Variants in PTPRE observed in about 807,000 individuals in gnomAD.
The protein encoded by PTPRE is receptor-type tyrosine-protein phosphatase epsilon.
In PTPRE, 51 loss-of-function variants were observed where a neutral mutation model predicts 102.0. That is an observed-to-expected ratio of 0.50 (90% CI 0.40 to 0.63). PTPRE has a LOEUF of 0.63. PTPRE is among the 30% of genes least tolerant of loss of function. The pLI, the probability that PTPRE is intolerant of heterozygous loss-of-function variation, is 0.00. For synonymous variants in PTPRE, 345 were observed against 348.2 expected (o/e 0.99, Z 0.10); for missense variants, 752 against 915.1 (o/e 0.82, Z 2.30).
chr10:127,964,800 T>A (rs1476086666), intron 1 of PTPRE: 1 of 254,850 alleles, frequency 3.9e-6, no homozygotes, highest in Non-Finnish European at 7.9e-6. Flanking sequence ...TCTGCACCAG[T>A]GAATGCCATG....
intron 2 of PTPRE, among the ~76,000 whole-genome samples, chr10:128,033,233 T>G (rs1323944435): frequency 6.6e-6 from 1 of 152,194 alleles, no homozygotes; most frequent in Non-Finnish European, 1.5e-5. Flanking sequence ...TCTCAGCTAA[T>G]TTTGCTCATC....
intron 1 of PTPRE, among the ~76,000 whole-genome samples, chr10:127,938,071 G>T (rs1847961442): frequency 6.6e-6 from 1 of 152,214 alleles, no homozygotes; most frequent in Non-Finnish European, 1.5e-5. Flanking sequence ...AGGGTGTGAT[G>T]TGACTTAAAG....
intron 7 of PTPRE, 109 bp downstream of exon 7, chr10:128,056,322 A>G (rs764689719): frequency 3.6e-5 from 32 of 879,068 alleles, no homozygotes; most frequent in East Asian, 9.9e-5. Context: ...AGAGGCCCCA[A>G]ATCAGTCTAA....
At chr10:128,007,289 A>C (rs1193272940) in intron 2 of PTPRE, among the ~76,000 whole-genome samples, 1 of 152,198 alleles carries the variant, frequency 6.6e-6, no homozygotes, top group Non-Finnish European at 1.5e-5. Context: ...TCCTTGAACA[A>C]ATATTTATGA....
intron 1 of PTPRE, among the ~76,000 whole-genome samples, chr10:127,911,847 G>A (rs897248585): frequency 1.3e-5 from 2 of 152,116 alleles, no homozygotes; most frequent in Non-Finnish European, 2.9e-5. Context: ...GTTTATTTTG[G>A]AGGATTAACT....
At chr10:127,996,250 G>C (rs1853253305) in intron 2 of PTPRE, among the ~76,000 whole-genome samples, 1 of 152,192 alleles carries the variant, frequency 6.6e-6, no homozygotes, top group East Asian at 1.9e-4. Flanking sequence ...ACCAAAGGCA[G>C]TTTAAAGGGC....
intron 1 of PTPRE, among the ~76,000 whole-genome samples, chr10:127,938,296 G>A (rs1382011608): frequency 6.6e-6 from 1 of 152,332 alleles, no homozygotes; most frequent in East Asian, 1.9e-4. Flanking sequence ...CAATCAGGGA[G>A]CTCTCACTGA....
At chr10:127,909,643 A>G (rs964419328) in intron 1 of PTPRE, among the ~76,000 whole-genome samples, 17 of 152,152 alleles carry the variant, frequency 1.1e-4, no homozygotes, top group African/African-American at 3.6e-4. Flanking sequence ...ACCAGCCTCC[A>G]TGTTGCTTCT....
intron 19 of PTPRE, 105 bp downstream of exon 19, chr10:128,077,888 G>A: frequency 7.6e-7 from 1 of 1,323,970 alleles, no homozygotes; most frequent in Non-Finnish European, 1.0e-6. Flanking sequence ...CCTGGCCATG[G>A]TATTCCCTAG....
chr10:127,914,415 A>T (rs542034111), intron 1 of PTPRE, among the ~76,000 whole-genome samples: 15 of 152,284 alleles, frequency 9.9e-5, no homozygotes, highest in African/African-American at 3.6e-4. Flanking sequence ...ACACTATCAT[A>T]CTTCCCAGGA....
At chr10:127,911,801 T>C (rs1470235217) in intron 1 of PTPRE, among the ~76,000 whole-genome samples, 1 of 152,146 alleles carries the variant, frequency 6.6e-6, no homozygotes, top group East Asian at 1.9e-4. Context: ...TGTAGCGTGC[T>C]GCCAATTTTA....
chr10:128,048,434 C>A (rs561933916), intron 5 of PTPRE, among the ~76,000 whole-genome samples: 1 of 152,202 alleles, frequency 6.6e-6, no homozygotes. Flanking sequence ...CCAGTGACTA[C>A]AACTTCCTGG....
chr10:128,009,501 G>A (rs148306628), intron 2 of PTPRE, among the ~76,000 whole-genome samples: 127 of 152,326 alleles, frequency 8.3e-4, no homozygotes, highest in African/African-American at 2.9e-3. Context: ...GGCCCCCTGT[G>A]TGCCAGCCAG....
At chr10:128,056,310 T>C in intron 7 of PTPRE, 97 bp downstream of exon 7, 1 of 999,412 alleles carries the variant, frequency 1.0e-6, no homozygotes, top group Non-Finnish European at 1.6e-6. Flanking sequence ...TTCCTGGTGC[T>C]CAGAGGCCCC....
chr10:127,946,792 G>A (rs182500407), intron 1 of PTPRE, among the ~76,000 whole-genome samples: 1 of 152,338 alleles, frequency 6.6e-6, no homozygotes, highest in African/African-American at 2.4e-5. Context: ...CCAGCACTCT[G>A]AGAGGCTGAG....
intron 4 of PTPRE, 38 bp from the exon 5 acceptor site, chr10:128,047,726 T>A (rs1263818550): frequency 6.2e-7 from 1 of 1,613,424 alleles, no homozygotes; most frequent in African/African-American, 1.3e-5. Flanking sequence ...TCGGGGAACC[T>A]AGAAGTGTGG....
rs527270326 is a variant in PTPRE, at chr10:128,085,001, C to T, written c.*2095C>T. ...GAAAGGGCCCTGCTCATGTTTTTTT[C>T]CTGTCCCCTTAGACCAACCCCAGGT... is the stretch of plus-strand genomic sequence containing the variant. On this transcript the variant is annotated 3_prime_UTR_variant, in exon 21 of 21. Transcript: ENST00000254667. The T allele has an allele frequency of 1.0e-5, 4 of 399,396 alleles. No homozygotes were observed. The highest frequency in any genetic ancestry group is 3.5e-5 in the South Asian group (2 of 57,464). 24.7% of individuals were successfully genotyped at this position (399,396 alleles called of 1,614,324 possible).
At chr10:127,968,044 G>GTGTA (rs778496459) in intron 1 of PTPRE, among the ~76,000 whole-genome samples, 3,703 of 150,072 alleles carry the variant, frequency 0.025, 100 homozygotes, top group Admixed American at 0.082. Context: ...GTGTGTGTGT[G>GTGTA]TGTCCCTGGA....
At chr10:128,000,335 C>A (rs1452162762) in intron 2 of PTPRE, among the ~76,000 whole-genome samples, 3 of 152,104 alleles carry the variant, frequency 2.0e-5, no homozygotes, top group Non-Finnish European at 2.9e-5. Flanking sequence ...ATTTTGGACC[C>A]GCACCCTTCA....
Sources: allele counts gnomAD v4.1 joint callset (sites outside exome capture counted in the v4.1 genomes callset), GRCh38; gene constraint gnomAD v4.1.1; transcripts MANE v1.5; gene names NCBI Gene and HGNC (gene_info 2026-07-23, HGNC 2026-07-21).